Variants in PRSS55 observed in about 807,000 individuals in gnomAD.
PRSS55 encodes the protein probable serine protease UNQ9391/PRO34284.
A neutral mutation model predicts 23.6 loss-of-function variants in PRSS55; 41 were observed. The ratio of observed to expected loss-of-function variants is 1.74; its 90% CI spans 1.35 to 2.26. PRSS55 has a LOEUF of 2.26. Ranked by LOEUF, PRSS55 falls within the 30% of genes most tolerant of loss-of-function variation. PRSS55 has a pLI of 0.00. For missense variants in PRSS55, 669 were observed against 439.1 expected, an observed-to-expected ratio of 1.52 and a Z score of -4.68; for synonymous variants, 262 against 175.5, an observed-to-expected ratio of 1.49 and a Z score of -3.90.
chr8:10,537,657 C>A (rs533459444), intron 4 of PRSS55, among the ~76,000 whole-genome samples: 2 of 152,142 alleles, frequency 1.3e-5, no homozygotes, highest in African/African-American at 2.4e-5. Context: ...ACCCCAATTA[C>A]CCTGATTTAA....
At position 10,526,005 on chromosome 8, in the gene PRSS55, G is replaced by A. The variant is rs368987134; in HGVS notation, c.154+266G>A. Among the ~76,000 whole-genome samples, 5 of 152,186 alleles carry A rather than the reference G, an allele frequency of 3.3e-5. No individual in the cohort carries two copies. In the East Asian group the frequency reaches 7.7e-4, roughly 24 times the overall value. ...CTTGCCTAGAACTAGCTGAGACTGA[G>A]TCCTCCCACTTGGAGGGGGACCACT... On this transcript the variant is annotated intron_variant, in intron 1 of 4. Transcript: ENST00000328655.
intron 3 of PRSS55, among the ~76,000 whole-genome samples, 161 bp from the exon 4 acceptor site, chr8:10,532,745 T>C (rs1812314053): frequency 6.6e-6 from 1 of 151,490 alleles, no homozygotes; most frequent in African/African-American, 2.4e-5. Flanking sequence ...GTGGGTAAGT[T>C]GCAGGCATGG....
exon 5 of PRSS55, chr8:10,554,158 TC>T: frequency 1.8e-6 from 1 of 564,358 alleles, no homozygotes; most frequent in Non-Finnish European, 3.0e-6. Context: ...AATAAAAGCC[TC>T]CCCATTTTCA....
At chr8:10,548,191 G>A (rs542025005) in intron 4 of PRSS55, among the ~76,000 whole-genome samples, 1 of 152,154 alleles carries the variant, frequency 6.6e-6, no homozygotes, top group Non-Finnish European at 1.5e-5. Context: ...CTCAGGCAGC[G>A]AGCGCTCAGG....
At chr8:10,530,224 C>T (rs1465902392) in intron 2 of PRSS55, among the ~76,000 whole-genome samples, 1 of 152,206 alleles carries the variant, frequency 6.6e-6, no homozygotes, top group African/African-American at 2.4e-5. Flanking sequence ...CATCCCAGCA[C>T]TTCGGGAGGC....
chr8:10,539,583 G>A (rs913837786), downstream of PRSS55, among the ~76,000 whole-genome samples: 3 of 152,170 alleles, frequency 2.0e-5, no homozygotes, highest in Non-Finnish European at 4.4e-5. Flanking sequence ...ACGTGTTGTG[G>A]GAGGGACCCA....
At chr8:10,532,462 C>T (rs1812302460) in intron 3 of PRSS55, among the ~76,000 whole-genome samples, 1 of 152,224 alleles carries the variant, frequency 6.6e-6, no homozygotes. Flanking sequence ...CTCTGCCAAC[C>T]TGCCCTTGCT....
intron 4 of PRSS55, among the ~76,000 whole-genome samples, chr8:10,533,946 C>A (rs1259277518): frequency 6.6e-6 from 1 of 152,060 alleles, no homozygotes; most frequent in Non-Finnish European, 1.5e-5. Flanking sequence ...GGTACTGAAA[C>A]AGGGGTTGGA....
chr8:10,542,756 C>T (rs371453336), downstream of PRSS55, among the ~76,000 whole-genome samples: 6 of 151,560 alleles, frequency 4.0e-5, no homozygotes, highest in East Asian at 5.8e-4. Flanking sequence ...GCCTGTAATC[C>T]CAGCTACTTG....
chr8:10,538,723 C>T lies in PRSS55; in HGVS notation c.989C>T (p.Pro330Leu). The T allele has an allele frequency of 6.2e-7, 1 of 1,613,370 alleles. No homozygotes were observed. The change falls in exon 5 of 5, where the codon CCA becomes CTA. Residue 330 changes from proline to leucine, a missense_variant. Coordinates refer to ENST00000328655, the MANE Select transcript of PRSS55 (RefSeq NM_198464.4). Reference sequence around the variant, plus strand: ...TCCCCAGTCTCGGGAGTCCCAGAGCCAGGCAGCCCCAGATCCTGGCTCCTG... The same window carrying T: ...TCCCCAGTCTCGGGAGTCCCAGAGCTAGGCAGCCCCAGATCCTGGCTCCTG... The part of the protein sequence containing the change: ...MGSPVSGVPE[P>L]GSPRSWLLLC...
rs376618750 is a variant in PRSS55 at position 10,532,888 on chromosome 8, G to C, written c.599-18G>C. 3 of 1,613,926 alleles carry C rather than the reference G, an allele frequency of 1.9e-6. No individual in the cohort carries two copies. The highest frequency in any genetic ancestry group is 1.3e-5 in the African/African-American group (1 of 74,896). ...TGAGGCCCAGTGGCTTCTCTAATGC[G>C]CTTTCTCTCTGGGCCAGCTGACAAA... On this transcript the variant is annotated intron_variant, in intron 3 of 4. Transcript: ENST00000328655.
chr8:10,548,059 A>T (rs1812862108), intron 4 of PRSS55, among the ~76,000 whole-genome samples: 1 of 152,172 alleles, frequency 6.6e-6, no homozygotes, highest in Admixed American at 6.5e-5. Context: ...GGCTCAGGAC[A>T]GGACTGCTCC....
chr8:10,543,634 T>C (rs1257118703), downstream of PRSS55, among the ~76,000 whole-genome samples: 1 of 151,872 alleles, frequency 6.6e-6, no homozygotes, highest in Non-Finnish European at 1.5e-5. Flanking sequence ...TTTTATGAGA[T>C]GAACATCTTT....
chr8:10,552,018 G>T (rs556397974), intron 4 of PRSS55, among the ~76,000 whole-genome samples: 1 of 152,346 alleles, frequency 6.6e-6, no homozygotes, highest in South Asian at 2.1e-4. Flanking sequence ...GGCAGAACGT[G>T]CCGGAAGTTA....
intron 4 of PRSS55, among the ~76,000 whole-genome samples, chr8:10,551,705 C>G (rs62492832): frequency 0.043 from 6,569 of 152,320 alleles, 199 homozygotes; most frequent in Middle Eastern, 0.095. Context: ...TCTCCATCTG[C>G]ACGGGCTCTG....
At chr8:10,551,445 C>T (rs1812948451) in intron 4 of PRSS55, among the ~76,000 whole-genome samples, 1 of 152,212 alleles carries the variant, frequency 6.6e-6, no homozygotes, top group African/African-American at 2.4e-5. Context: ...AGCTCGACCT[C>T]TGGTGGGGAC....
intron 4 of PRSS55, among the ~76,000 whole-genome samples, chr8:10,548,770 T>C (rs996571739): frequency 2.0e-5 from 2 of 99,846 alleles, no homozygotes; most frequent in Non-Finnish European, 4.9e-5. Flanking sequence ...AGGGCTCCCG[T>C]GCCCCCCTCC....
chr8:10,547,496 G>A (rs1171051893), intron 4 of PRSS55: 1 of 152,788 alleles, frequency 6.5e-6, no homozygotes, highest in Non-Finnish European at 1.5e-5. Flanking sequence ...CGAGATTCCA[G>A]GGCCCTCGGC....
At chr8:10,532,850 G>T in intron 3 of PRSS55, 56 bp from the exon 4 acceptor site, 3 of 1,607,832 alleles carry the variant, frequency 1.9e-6, no homozygotes, top group South Asian at 2.2e-5. Context: ...GCTGCATCAC[G>T]AACGTGGGGA....
Sources: allele counts gnomAD v4.1 joint callset (sites outside exome capture counted in the v4.1 genomes callset), GRCh38; gene constraint gnomAD v4.1.1; transcripts MANE v1.5; gene names NCBI Gene and HGNC (gene_info 2026-07-23, HGNC 2026-07-21).